FAT3: variants seen among roughly 807,000 people sequenced by gnomAD.
The protein encoded by FAT3 is FAT atypical cadherin 3.
A neutral mutation model predicts 310.2 loss-of-function variants in FAT3; 95 were observed. The observed-to-expected ratio is 0.31, with a 90% confidence interval of 0.26 to 0.36. FAT3 has a LOEUF of 0.36. Among genes scored for constraint, FAT3 ranks in the 10% least tolerant of loss-of-function variants. The pLI is 1.00. For missense variants in FAT3, 5,408 were observed against 5,715.6 expected (o/e 0.95, Z 1.74); for synonymous variants, 2,314 against 2,192.9 (o/e 1.06, Z -1.54).
At chr11:92,231,756 C>T (rs1864189783) in intron 1 of FAT3, among the ~76,000 whole-genome samples, 1 of 151,032 alleles carries the variant, frequency 6.6e-6, no homozygotes, top group Admixed American at 6.6e-5. Context: ...CCAGATGACA[C>T]AGATTAAATT....
chr11:92,286,463 T>C (rs113296866), intron 1 of FAT3, among the ~76,000 whole-genome samples: 2 of 152,152 alleles, frequency 1.3e-5, no homozygotes, highest in East Asian at 3.9e-4. Flanking sequence ...GTTCATTCAG[T>C]TCTCTATGTA....
intron 9 of FAT3, among the ~76,000 whole-genome samples, chr11:92,795,169 T>G (rs1947136729): frequency 6.6e-6 from 1 of 152,076 alleles, no homozygotes; most frequent in Non-Finnish European, 1.5e-5. Context: ...GTGTCAATGG[T>G]GAGTCTGAGG....
chr11:92,352,414 A>G lies in FAT3; in HGVS notation c.302A>G (p.Asp101Gly). The change falls in exon 2 of 28, where the codon GAT (aspartate) becomes GGT (glycine). Residue 101 changes from aspartate to glycine, a missense_variant. Physicochemically the swap from Asp to Gly is moderately conservative, Grantham distance 94 (BLOSUM62 -1). Transcript: ENST00000525166. ...AAAGCAGAGGAAGTCATCATTGCAG[A>G]TTTCTGTTTTCTCAGAATAAGAACT... ...FFKAEEVIIADFCFLRIRTKG... is the reference protein window; with the variant it reads ...FFKAEEVIIAGFCFLRIRTKG... The G allele has an allele frequency of 1.2e-6, 2 of 1,612,004 alleles. No homozygotes were observed. The highest frequency in any genetic ancestry group is 4.5e-5 in the East Asian group (2 of 44,826).
At chr11:92,599,617 C>A (rs1036180664) in intron 3 of FAT3, among the ~76,000 whole-genome samples, 1 of 152,156 alleles carries the variant, frequency 6.6e-6, no homozygotes, top group Non-Finnish European at 1.5e-5. Context: ...AGCCAAATAT[C>A]CAATCAAACT....
At chr11:92,506,226 G>C (rs935375397) in intron 2 of FAT3, among the ~76,000 whole-genome samples, 2 of 152,142 alleles carry the variant, frequency 1.3e-5, no homozygotes, top group African/African-American at 4.8e-5. Flanking sequence ...ATAGGTAACT[G>C]AAATTTCACT....
chr11:92,609,652 G>C (rs1159309609), intron 3 of FAT3, among the ~76,000 whole-genome samples: 1 of 152,148 alleles, frequency 6.6e-6, no homozygotes, highest in East Asian at 1.9e-4. Context: ...ATATGAAAGT[G>C]AAAACCAACA....
In FAT3 at chr11:92,798,580, G is replaced by A; in HGVS notation, c.5567G>A (p.Ser1856Asn). Residue 1856 changes from serine (S) to asparagine (N), a missense_variant, in exon 10 of 28, where the codon AGT becomes AAT. Physicochemically the swap from Ser to Asn is conservative, Grantham distance 46. This residue lies in a region of FAT3 where 4,588 missense variants were observed against 4,809.8 expected (regional missense o/e 0.95). Coordinates refer to ENST00000525166, the MANE Select transcript of FAT3 (RefSeq NM_001367949.2). ...HFHFHVHVRDSGSPQLTAESP... is the reference protein window; with the variant it reads ...HFHFHVHVRDNGSPQLTAESP... ...CATTTTCATGTGCATGTGAGAGACAGTGGTAGCCCCCAACTGACTGCAGAG... is the reference window on the plus strand; with the variant it reads ...CATTTTCATGTGCATGTGAGAGACAATGGTAGCCCCCAACTGACTGCAGAG... The A allele has an allele frequency of 6.2e-7, 1 of 1,613,778 alleles. No homozygotes were observed. The highest frequency in any genetic ancestry group is 1.6e-4 in the Middle Eastern group (1 of 6,062).
chr11:92,763,341 A>T (rs1278191899), intron 5 of FAT3, among the ~76,000 whole-genome samples: 1 of 152,088 alleles, frequency 6.6e-6, no homozygotes, highest in South Asian at 2.1e-4. Flanking sequence ...AGAGAAAAAA[A>T]ATATAGTAAA....
At chr11:92,762,309 C>CA (rs1452614745) in intron 5 of FAT3, 139 bp downstream of exon 5, 1 of 809,034 alleles carries the variant, frequency 1.2e-6, no homozygotes, top group African/African-American at 1.7e-5. Context: ...TTCTGGGAGG[C>CA]AAGTGCAGGT....
chr11:92,299,014 A>G (rs1345224192), intron 1 of FAT3, among the ~76,000 whole-genome samples: 1 of 152,082 alleles, frequency 6.6e-6, no homozygotes, highest in African/African-American at 2.4e-5. Flanking sequence ...ATCTGTTGCA[A>G]TGCCAGAGTT....
intron 2 of FAT3, among the ~76,000 whole-genome samples, chr11:92,447,255 G>GTGTGTGTA (rs1491238694): frequency 7.1e-5 from 10 of 140,452 alleles, no homozygotes; most frequent in African/African-American, 2.5e-4. Flanking sequence ...GTGTGTGTGT[G>GTGTGTGTA]TACAGTGGTT....
chr11:92,323,271 CAG>C (rs1158346863), intron 1 of FAT3, among the ~76,000 whole-genome samples: 57 of 151,668 alleles, frequency 3.8e-4, no homozygotes, highest in Admixed American at 3.7e-3. Context: ...ATATTTGAAA[CAG>C]GGTCTTGCTC....
intron 4 of FAT3, among the ~76,000 whole-genome samples, chr11:92,733,759 CCTT>C (rs1195701817): frequency 6.6e-6 from 1 of 152,058 alleles, no homozygotes; most frequent in African/African-American, 2.4e-5. Context: ...CCTATTGAGA[CCTT>C]AGATATATGG....
At position 92,797,876 on chromosome 11, in the gene FAT3, C is replaced by A. The variant is rs1947216605; in HGVS notation, c.4863C>A (p.Gly1621=). 6.2e-7 allele frequency: 1 copy of A among 1,613,732 alleles called. No individual in the cohort carries two copies. The highest frequency in any genetic ancestry group is 1.3e-5 in the African/African-American group (1 of 74,906). Residue 1621 remains glycine (G), a synonymous_variant, in exon 10 of 28, where the codon GGC becomes GGA. Coordinates refer to ENST00000525166, the MANE Select transcript of FAT3 (RefSeq NM_001367949.2). The part of the protein sequence containing the change: ...GNMFKIEPVL[G]IITICKEPDM... ...TGTTTAAGATCGAACCGGTCCTAGGCATCATCACCATTTGCAAAGAACCAG... is the reference window on the plus strand; with the variant it reads ...TGTTTAAGATCGAACCGGTCCTAGGAATCATCACCATTTGCAAAGAACCAG...
chr11:92,885,337 G>GAAATA (rs1193278993), intron 24 of FAT3, among the ~76,000 whole-genome samples: 1 of 152,184 alleles, frequency 6.6e-6, no homozygotes, highest in African/African-American at 2.4e-5. Context: ...TTCAATGGGT[G>GAAATA]AAATACGCAC....
intron 2 of FAT3, among the ~76,000 whole-genome samples, chr11:92,363,483 A>C (rs1033891064): frequency 6.6e-6 from 1 of 152,234 alleles, no homozygotes; most frequent in African/African-American, 2.4e-5. Context: ...TTTATCTTAT[A>C]GCTGGTTGTT....
intron 2 of FAT3, among the ~76,000 whole-genome samples, chr11:92,412,402 AT>A (rs780298367): frequency 0.14 from 14,561 of 101,042 alleles, 1,501 homozygotes; most frequent in African/African-American, 0.3. Flanking sequence ...GACCCGGCCT[AT>A]TTTTTTTTTT....
intron 1 of FAT3, among the ~76,000 whole-genome samples, chr11:92,263,816 G>C (rs913419294): frequency 2.0e-5 from 3 of 151,514 alleles, no homozygotes; most frequent in African/African-American, 7.3e-5. Flanking sequence ...TTTTCATCTT[G>C]ATGTCTTTTG....
At chr11:92,361,183 A>G (rs1003836530) in intron 2 of FAT3, among the ~76,000 whole-genome samples, 1 of 152,110 alleles carries the variant, frequency 6.6e-6, no homozygotes, top group East Asian at 1.9e-4. Flanking sequence ...TATCTGGGAT[A>G]TGATGTTCTC....
Sources: gnomAD v4.1 joint callset for allele counts (sites outside exome capture counted in the v4.1 genomes callset) on GRCh38, gnomAD v4.1.1 for gene constraint, gnomAD v4.1.1 regional missense constraint, MANE v1.5 for transcripts, NCBI Gene and HGNC (gene_info 2026-07-23, HGNC 2026-07-21) for gene names.